The following RERE variants were observed in gnomAD, a reference collection of about 807,000 sequenced individuals.
RERE encodes arginine-glutamic acid dipeptide repeats.
Under a neutral mutation model 146.1 loss-of-function variants are expected in RERE, and 40 were observed. That is an observed-to-expected ratio of 0.27 (90% confidence interval 0.21 to 0.36). The LOEUF (loss-of-function observed/expected upper bound fraction) is 0.36. RERE is among the 10% of genes least tolerant of loss of function. RERE has a pLI of 1.00. For synonymous variants in RERE, 1,003 were observed against 866.0 expected (o/e 1.16, Z -2.78); for missense variants, 1,933 against 2,138.7 (o/e 0.90, Z 1.90).
At chr1:8,755,294 ATAAAT>A (rs758384166) in intron 1 of RERE, among the ~76,000 whole-genome samples, 2 of 152,248 alleles carry the variant, frequency 1.3e-5, no homozygotes, top group Non-Finnish European at 2.9e-5. Flanking sequence ...GGTTATCATG[ATAAAT>A]TAAATCTGGC....
At chr1:8,596,292 C>A (rs1646554583) in intron 4 of RERE, among the ~76,000 whole-genome samples, 1 of 152,210 alleles carries the variant, frequency 6.6e-6, no homozygotes, top group Non-Finnish European at 1.5e-5. Context: ...CTGGTAGGAG[C>A]AAGCTTTCTG....
chr1:8,663,957 C>T (rs1024725091), intron 1 of RERE, among the ~76,000 whole-genome samples: 1 of 152,148 alleles, frequency 6.6e-6, no homozygotes, highest in Non-Finnish European at 1.5e-5. Flanking sequence ...TCCAGGAGGC[C>T]TCCCAGACCT....
intron 4 of RERE, among the ~76,000 whole-genome samples, chr1:8,594,110 G>A (rs1646527498): frequency 1.3e-5 from 2 of 152,022 alleles, no homozygotes; most frequent in South Asian, 2.1e-4. Flanking sequence ...CTACATTATC[G>A]CTTTTTATTC....
intron 1 of RERE, among the ~76,000 whole-genome samples, chr1:8,780,678 G>A (rs2124559943): frequency 6.6e-6 from 1 of 152,276 alleles, no homozygotes; most frequent in Non-Finnish European, 1.5e-5. Context: ...ATCACACAAT[G>A]GAACAGGATG....
At chr1:8,811,379 G>A (rs1641803424) in intron 1 of RERE, among the ~76,000 whole-genome samples, 1 of 152,206 alleles carries the variant, frequency 6.6e-6, no homozygotes, top group Non-Finnish European at 1.5e-5. Context: ...GGCCAAGGTA[G>A]GAGGATCACT....
intron 1 of RERE, chr1:8,750,351 T>C (rs1248199846): frequency 9.7e-6 from 6 of 618,476 alleles, no homozygotes; most frequent in Admixed American, 2.8e-5. Flanking sequence ...TAGAAACCAT[T>C]CTGCCTCATT....
intron 4 of RERE, among the ~76,000 whole-genome samples, chr1:8,608,764 G>A (rs544670049): frequency 1.3e-5 from 2 of 152,346 alleles, no homozygotes; most frequent in African/African-American, 2.4e-5. Context: ...TTGGAAAAAA[G>A]ATGATGAATA....
At chr1:8,405,895 A>G (rs992874023) in intron 12 of RERE, among the ~76,000 whole-genome samples, 1 of 152,104 alleles carries the variant, frequency 6.6e-6, no homozygotes, top group Admixed American at 6.5e-5. Flanking sequence ...TCAGCCTCCC[A>G]AAGTGCTGGG....
chr1:8,392,796 C>T (rs1642928979), intron 12 of RERE, among the ~76,000 whole-genome samples: 1 of 152,188 alleles, frequency 6.6e-6, no homozygotes, highest in Admixed American at 6.5e-5. Context: ...AGATTACCAG[C>T]CCTGGAGGGA....
chr1:8,534,657 G>A (rs774545285), intron 7 of RERE, among the ~76,000 whole-genome samples: 18 of 151,902 alleles, frequency 1.2e-4, no homozygotes, highest in Non-Finnish European at 2.2e-4. Flanking sequence ...AAATAAAATA[G>A]GAGGCCATTA....
At chr1:8,355,311 T>G in intron 22 of RERE, 108 bp downstream of exon 22, 2 of 1,316,094 alleles carry the variant, frequency 1.5e-6, no homozygotes, top group Non-Finnish European at 2.1e-6. Flanking sequence ...CAATGTCCCC[T>G]CCAGGGCCCA....
At chr1:8,430,004 T>A (rs973103369) in intron 11 of RERE, 1 of 152,126 alleles carries the variant, frequency 6.6e-6, no homozygotes, top group Non-Finnish European at 1.5e-5. Context: ...AAAGGGAACA[T>A]GGATGCCAGG....
chr1:8,714,636 T>C (rs1240684261), intron 1 of RERE, among the ~76,000 whole-genome samples: 1 of 152,114 alleles, frequency 6.6e-6, no homozygotes, highest in Non-Finnish European at 1.5e-5. Context: ...GAAAGGGAAG[T>C]CTTCTTCCAA....
intron 1 of RERE, among the ~76,000 whole-genome samples, chr1:8,701,287 T>TACACACACACACACAC (rs745905637): frequency 2.1e-5 from 2 of 93,644 alleles, no homozygotes; most frequent in Admixed American, 1.1e-4. Flanking sequence ...GTGAGGGGAA[T>TACACACACACACACAC]ACACACACAC....
At chr1:8,674,329 T>A (rs1050573880) in intron 1 of RERE, among the ~76,000 whole-genome samples, 1 of 152,086 alleles carries the variant, frequency 6.6e-6, no homozygotes, top group Non-Finnish European at 1.5e-5. Context: ...AGAAGGAAAG[T>A]AATACATACT....
chr1:8,472,270 A>G (rs1644698413), intron 10 of RERE, among the ~76,000 whole-genome samples: 1 of 152,236 alleles, frequency 6.6e-6, no homozygotes, highest in Non-Finnish European at 1.5e-5. Flanking sequence ...CCTCTAATAC[A>G]ACATCAAGTT....
In RERE at chr1:8,373,730, C is replaced by T. The variant is rs560465210; in HGVS notation, c.1285-7756G>A. Among the ~76,000 whole-genome samples the T allele has an allele frequency of 7.9e-5, 12 of 152,308 alleles. No homozygotes were observed. The South Asian group carries it at 1.2e-3, about 16-fold the overall frequency. ...ACATTTCCTGGCATGGAATCCTATG[C>T]GAGTCATTCTTTCCTTTCCCTCCCC... On this transcript the variant is annotated intron_variant, in intron 12 of 22. Coordinates refer to ENST00000400908, the MANE Select transcript of RERE (RefSeq NM_001042681.2).
At chr1:8,490,105 G>A (rs1428223845) in intron 10 of RERE, among the ~76,000 whole-genome samples, 1 of 150,928 alleles carries the variant, frequency 6.6e-6, no homozygotes, top group Admixed American at 6.6e-5. Flanking sequence ...GCTCACGCCT[G>A]TAATCCCAGC....
At chr1:8,429,252 A>G (rs1570221179) in intron 11 of RERE, among the ~76,000 whole-genome samples, 1 of 152,170 alleles carries the variant, frequency 6.6e-6, no homozygotes, top group East Asian at 1.9e-4. Flanking sequence ...CCAGGCTGGG[A>G]GGGTCAAGGG....
Sources: gnomAD v4.1 joint callset for allele counts (sites outside exome capture counted in the v4.1 genomes callset) on GRCh38, gnomAD v4.1.1 for gene constraint, MANE v1.5 for transcripts, NCBI Gene and HGNC (gene_info 2026-07-23, HGNC 2026-07-21) for gene names.